RIT2: variants seen among roughly 807,000 people sequenced by gnomAD.
RIT2 encodes the protein Ras like without CAAX 2, also known as GTP-binding protein Rit2.
Under a neutral mutation model 23.7 loss-of-function variants are expected in RIT2, and 24 were observed. That is an observed-to-expected ratio of 1.01 (90% confidence interval 0.73 to 1.43). The LOEUF is 1.43. Among genes scored for constraint, RIT2 ranks in the 40% most tolerant of loss-of-function variants. RIT2 has a pLI of 0.00. For missense variants in RIT2, 236 were observed against 266.9 expected (o/e 0.88, Z 0.81); for synonymous variants, 107 against 91.1 (o/e 1.17, Z -0.99).
intron 3 of RIT2, among the ~76,000 whole-genome samples, chr18:42,933,103 T>A (rs889506704): frequency 2.0e-5 from 3 of 152,132 alleles, no homozygotes; most frequent in Admixed American, 6.6e-5. Flanking sequence ...ATTAAAAAAT[T>A]CAATTAAATT....
chr18:42,915,911 A>ATT (rs1294341888), intron 4 of RIT2, among the ~76,000 whole-genome samples: 4 of 151,704 alleles, frequency 2.6e-5, no homozygotes. Context: ...CACATGTATT[A>ATT]TTATGTATAT....
At chr18:42,913,738 A>G (rs9967088) in intron 4 of RIT2, among the ~76,000 whole-genome samples, 2,971 of 152,082 alleles carry the variant, frequency 0.02, 107 homozygotes, top group African/African-American at 0.067. Flanking sequence ...GTCAAAGGAT[A>G]CAACATTTCA....
At chr18:42,923,933 A>G (rs960516487) in intron 3 of RIT2, among the ~76,000 whole-genome samples, 170 bp from the exon 4 acceptor site, 3 of 152,012 alleles carry the variant, frequency 2.0e-5, no homozygotes, top group Non-Finnish European at 4.4e-5. Flanking sequence ...TTAAACAGCA[A>G]TTTTTACTTA....
Position 43,003,664 on chromosome 18 carries a change from C to A in RIT2, c.161-29517G>T, listed in dbSNP as rs187930950. Among the ~76,000 whole-genome samples, 137 of 151,724 alleles carry A rather than the reference C, an allele frequency of 9.0e-4. 1 individual carries two copies. Among genetic ancestry groups the A allele is most frequent in the Non-Finnish European group, 3.1e-4 (21 of 67,842 alleles). On this transcript the variant is annotated intron_variant, in intron 2 of 4. Transcript: ENST00000326695. ...TCGATAACCTGTTCTGCTCATCCAG[C>A]TAGTAAATGGATGACTTGATAGTAA...
rs116633064 is a variant in RIT2 at position 42,817,145 on chromosome 18, G to A, written c.427-73425C>T. ...AACTTCAGGGAGAAAAAAGGTATTT[G>A]AATCACATTAGCTATTTAAACAGAT... is the stretch of plus-strand genomic sequence containing the variant. On this transcript the variant is annotated intron_variant, in intron 4 of 4. Transcript: ENST00000326695. Among the ~76,000 whole-genome samples, 1,469 of 152,104 alleles carry A rather than the reference G, an allele frequency of 9.7e-3. 27 individuals carry two copies. The highest frequency in any genetic ancestry group is 0.033 in the African/African-American group (1,366 of 41,488).
At chr18:42,873,499 A>AT (rs1478617163) in intron 4 of RIT2, among the ~76,000 whole-genome samples, 2 of 152,018 alleles carry the variant, frequency 1.3e-5, no homozygotes, top group African/African-American at 2.4e-5. Flanking sequence ...ATCTAGGAAC[A>AT]TTTTTTTCCC....
At chr18:42,829,870 T>C (rs1021940400) in intron 4 of RIT2, among the ~76,000 whole-genome samples, 3 of 151,912 alleles carry the variant, frequency 2.0e-5, no homozygotes, top group African/African-American at 4.8e-5. Context: ...AATAAATCAA[T>C]GGTAAAGTTG....
intron 2 of RIT2, among the ~76,000 whole-genome samples, chr18:42,996,878 A>G (rs941371547): frequency 6.6e-6 from 1 of 152,118 alleles, no homozygotes; most frequent in African/African-American, 2.4e-5. Context: ...ACACTCAACA[A>G]CCTGGTCATC....
intron 1 of RIT2, among the ~76,000 whole-genome samples, chr18:43,045,089 T>C (rs1325188396): frequency 6.6e-6 from 1 of 152,194 alleles, no homozygotes; most frequent in Non-Finnish European, 1.5e-5. Context: ...TTTTATCATT[T>C]AGGATAAACC....
At chr18:43,094,555 G>A (rs1362625919) in intron 1 of RIT2, among the ~76,000 whole-genome samples, 2 of 151,950 alleles carry the variant, frequency 1.3e-5, no homozygotes, top group Non-Finnish European at 2.9e-5. Context: ...AATGTATTCA[G>A]GGAAATTGTA....
Position 42,976,201 on chromosome 18 carries a change from GAGA to G in RIT2, c.161-2057_161-2055del, listed in dbSNP as rs1483078988. The stretch of plus-strand genomic sequence containing the variant: ...TGAAAGATAAAGAAATGCTTCCTGG[GAGA>G]AGTAGCACCTAAATTGAGTAGGAGG... On this transcript the variant is annotated intron_variant, in intron 2 of 4. Transcript: ENST00000326695. Among the ~76,000 whole-genome samples, 4 of 151,958 alleles carry G rather than the reference GAGA, an allele frequency of 2.6e-5. No homozygotes were observed. In the East Asian group the frequency reaches 7.7e-4, roughly 29 times the overall value.
At chr18:43,031,449 C>T (rs1198227663) in intron 2 of RIT2, among the ~76,000 whole-genome samples, 2 of 151,878 alleles carry the variant, frequency 1.3e-5, no homozygotes, top group African/African-American at 4.8e-5. Flanking sequence ...AAAGAAGTCT[C>T]CTCTGCTTTA....
chr18:42,955,952 T>C (rs1483485680), intron 3 of RIT2, among the ~76,000 whole-genome samples: 1 of 152,208 alleles, frequency 6.6e-6, no homozygotes, highest in Non-Finnish European at 1.5e-5. Context: ...CTTTTGCATC[T>C]GTAGGCAGTC....
intron 4 of RIT2, among the ~76,000 whole-genome samples, chr18:42,898,469 T>C (rs1908390525): frequency 6.6e-6 from 1 of 152,088 alleles, no homozygotes; most frequent in African/African-American, 2.4e-5. Flanking sequence ...GTTTAAACAT[T>C]GAGGACCAGG....
At chr18:42,849,756 T>C (rs1230802147) in intron 4 of RIT2, among the ~76,000 whole-genome samples, 1 of 152,158 alleles carries the variant, frequency 6.6e-6, no homozygotes. Flanking sequence ...AGAACAATAA[T>C]GTATGAATTA....
At chr18:43,096,754 AT>A (rs900131749) in intron 1 of RIT2, among the ~76,000 whole-genome samples, 5 of 151,750 alleles carry the variant, frequency 3.3e-5, no homozygotes, top group African/African-American at 9.6e-5. Context: ...TTTCTAGGTT[AT>A]TTTTTTAATA....
At chr18:42,998,535 G>A (rs985511425) in intron 2 of RIT2, among the ~76,000 whole-genome samples, 4 of 151,994 alleles carry the variant, frequency 2.6e-5, no homozygotes, top group African/African-American at 9.7e-5. Flanking sequence ...CTGATTTTCT[G>A]GAAATAGGTT....
intron 4 of RIT2, among the ~76,000 whole-genome samples, chr18:42,851,648 G>A (rs770764930): frequency 3.9e-5 from 6 of 152,030 alleles, no homozygotes; most frequent in African/African-American, 1.2e-4. Context: ...TCAGGAGATC[G>A]AGACCATCCT....
At chr18:42,774,750 T>G (rs566916335) in intron 4 of RIT2, among the ~76,000 whole-genome samples, 301 of 152,266 alleles carry the variant, frequency 2.0e-3, no homozygotes, top group African/African-American at 6.8e-3. Context: ...TCTAAATGTC[T>G]TTTATTCTTA....
Sources: allele counts gnomAD v4.1 joint callset (sites outside exome capture counted in the v4.1 genomes callset), GRCh38; gene constraint gnomAD v4.1.1; transcripts MANE v1.5; gene names NCBI Gene and HGNC (gene_info 2026-07-23, HGNC 2026-07-21).